Variants in TMEM127 observed in about 807,000 individuals in gnomAD.
TMEM127 encodes the protein transmembrane protein 127.
A neutral mutation model predicts 20.1 loss-of-function variants in TMEM127; 21 were observed. The observed-to-expected ratio is 1.04, with a 90% CI of 0.74 to 1.50. The LOEUF (loss-of-function observed/expected upper bound fraction) is 1.50. Ranked by LOEUF, TMEM127 falls within the 40% of genes most tolerant of loss-of-function variation. The pLI is 0.00. For synonymous variants in TMEM127, 150 were observed against 144.7 expected (o/e 1.04, Z -0.26); for missense variants, 303 against 317.4 (o/e 0.95, Z 0.34).
intron 3 of TMEM127, 24 bp from the exon 4 acceptor site, chr2:96,254,139 G>A (rs1442614589): frequency 1.2e-6 from 2 of 1,611,940 alleles, no homozygotes; most frequent in Non-Finnish European, 1.7e-6. Context: ...GGACAGCACA[G>A]AAGGGGAATT....
intron 2 of TMEM127, among the ~76,000 whole-genome samples, chr2:96,255,834 G>C (rs1684191376): frequency 6.6e-6 from 1 of 152,072 alleles, no homozygotes; most frequent in African/African-American, 2.4e-5. Flanking sequence ...AAAAAAATTA[G>C]CTGGGCATGG....
At chr2:96,263,305 C>T (rs1246611123) in intron 2 of TMEM127, among the ~76,000 whole-genome samples, 2 of 151,842 alleles carry the variant, frequency 1.3e-5, no homozygotes, top group African/African-American at 2.4e-5. Flanking sequence ...GCAATCCACC[C>T]GCCTCGGCCT....
chr2:96,265,567 G>A (rs1424036128), intron 1 of TMEM127, 55 bp from the exon 2 acceptor site: 2 of 693,054 alleles, frequency 2.9e-6, no homozygotes, highest in African/African-American at 1.9e-5. Flanking sequence ...TGACGGAGAC[G>A]GGGAGGGCTG....
In TMEM127 at chr2:96,250,250, C is replaced by T; in HGVS notation, c.*3558G>A. On this transcript the variant is annotated 3_prime_UTR_variant, in exon 4 of 4. Transcript: ENST00000258439. The stretch of plus-strand genomic sequence containing the variant: ...ACCTTTCTAACCTCGGCTCTTACCA[C>T]CTCCTGGCCACCAGTGTGCTTTTGC... The T allele has an allele frequency of 4.3e-6, 1 of 233,252 alleles. No individual in the cohort carries two copies. 14.4% of individuals were successfully genotyped at this position (233,252 alleles called of 1,614,324 possible). A position where few individuals can be genotyped will look rare whatever the true frequency, so the allele number is the denominator to read the frequency against.
At chr2:96,255,046 A>C (rs1034281845) in intron 2 of TMEM127, 49 bp from the exon 3 acceptor site, 1 of 1,610,070 alleles carries the variant, frequency 6.2e-7, no homozygotes, top group Non-Finnish European at 8.5e-7. Flanking sequence ...CACTTGGTGC[A>C]GGAAGTCCCC....
Position 96,249,060 on chromosome 2 carries a change from C to A in TMEM127, c.*4748G>T. Reference sequence around the variant, plus strand: ...AAAAAGCCAAGAATTTTCCCCAAAGCTTATGGTGAGGAACCTGTGTGTGTG... The same window carrying A: ...AAAAAGCCAAGAATTTTCCCCAAAGATTATGGTGAGGAACCTGTGTGTGTG... On this transcript the variant is annotated 3_prime_UTR_variant, in exon 4 of 4. Coordinates refer to ENST00000258439, the MANE Select transcript of TMEM127 (RefSeq NM_017849.4). The A allele has an allele frequency of 4.3e-6, 1 of 233,706 alleles. No individual in the cohort carries two copies. Among genetic ancestry groups the A allele is most frequent in the Non-Finnish European group, 8.4e-6 (1 of 118,712 alleles). The allele number at this position is 233,706 out of a possible 1,614,324, so 14.5% of individuals were successfully genotyped here. A position where few individuals can be genotyped will look rare whatever the true frequency, so the allele number is the denominator to read the frequency against.
In TMEM127 at chr2:96,248,773, CTTCAGGCCCCA is replaced by C. The variant is rs1684025951; in HGVS notation, c.*5024_*5034del. 1 of 231,520 alleles carries C rather than the reference CTTCAGGCCCCA, an allele frequency of 4.3e-6. No individual in the cohort carries two copies. Among genetic ancestry groups the C allele is most frequent in the Non-Finnish European group, 8.5e-6 (1 of 116,996 alleles). The allele number at this position is 231,520 out of a possible 1,614,324, so 14.3% of individuals were successfully genotyped here. A position where few individuals can be genotyped will look rare whatever the true frequency, so the allele number is the denominator to read the frequency against. ...ACAGGGCAGCCTGCAGGCCCTGCAC[CTTCAGGCCCCA>C]TTCTCAGACACCTGTACAACCCCTT... On this transcript the variant is annotated 3_prime_UTR_variant, in exon 4 of 4. Coordinates refer to ENST00000258439, the MANE Select transcript of TMEM127 (RefSeq NM_017849.4).
In TMEM127 at chr2:96,255,713, C is replaced by T. The variant is rs966978097; in HGVS notation, c.245-716G>A. Among the ~76,000 whole-genome samples, 6 of 152,084 alleles carry T rather than the reference C, an allele frequency of 3.9e-5. 1 individual carries two copies. The highest frequency in any genetic ancestry group is 4.1e-4 in the South Asian group (2 of 4,828). ...GTGCTTAATATCAATGAACTCAACA[C>T]TTAAAATGGTTATTAATACTTTGGG... On this transcript the variant is annotated intron_variant, in intron 2 of 3. Transcript: ENST00000258439.
At position 96,253,464 on chromosome 2, in the gene TMEM127, T is replaced by A. The variant is rs115740830; in HGVS notation, c.*344A>T. The A allele has an allele frequency of 4.2e-3, 1,479 of 351,314 alleles. 16 individuals carry two copies. Among genetic ancestry groups the A allele is most frequent in the African/African-American group, 0.028 (1,373 of 49,504 alleles). The allele number at this position is 351,314 out of a possible 1,614,324, so 21.8% of individuals were successfully genotyped here. ...GCCCTTTGACACTTGTTTTTGGGAC[T>A]GTCCGCTCTCAGCAGCTCTCCAAGG... On this transcript the variant is annotated 3_prime_UTR_variant, in exon 4 of 4. Coordinates refer to ENST00000258439, the MANE Select transcript of TMEM127 (RefSeq NM_017849.4). The surrounding 1 kb of genome is among the most constrained non-coding windows in gnomAD (Gnocchi z 4.3).
chr2:96,252,495 T>C lies in TMEM127; in HGVS notation c.*1313A>G, dbSNP rs145621392. On this transcript the variant is annotated 3_prime_UTR_variant, in exon 4 of 4. Transcript: ENST00000258439. The surrounding 1 kb of genome is among the most constrained non-coding windows in gnomAD (Gnocchi z 4.2). ...AGAGCAAACAAGGTGACCAGAGTGATGGCTGAGCAAGAAAGTCCCAGCAGC... is the reference window on the plus strand; with the variant it reads ...AGAGCAAACAAGGTGACCAGAGTGACGGCTGAGCAAGAAAGTCCCAGCAGC... The C allele has an allele frequency of 1.2e-3, 291 of 233,860 alleles. No individual in the cohort carries two copies. Among genetic ancestry groups the C allele is most frequent in the African/African-American group, 5.5e-3 (252 of 45,486 alleles). The allele number at this position is 233,860 out of a possible 1,614,324, so 14.5% of individuals were successfully genotyped here.
At chr2:96,263,048 C>CTTT (rs1402826560) in intron 2 of TMEM127, among the ~76,000 whole-genome samples, 3 of 136,690 alleles carry the variant, frequency 2.2e-5, no homozygotes, top group Admixed American at 7.4e-5. Context: ...CAAGAATTTA[C>CTTT]TTTTTTTTTT....
chr2:96,255,593 G>GT (rs1359253460), intron 2 of TMEM127, among the ~76,000 whole-genome samples: 9 of 152,208 alleles, frequency 5.9e-5, no homozygotes, highest in Non-Finnish European at 1.3e-4. Flanking sequence ...TTGCCAGCAG[G>GT]TAGGGAGAGG....
chr2:96,259,622 T>C (rs1684276314), intron 2 of TMEM127, among the ~76,000 whole-genome samples: 2 of 152,316 alleles, frequency 1.3e-5, no homozygotes, highest in Admixed American at 1.3e-4. Flanking sequence ...TCCTGCAGCA[T>C]TGCAACCATC....
intron 2 of TMEM127, among the ~76,000 whole-genome samples, chr2:96,260,106 G>C (rs180732590): frequency 1.3e-5 from 2 of 152,372 alleles, no homozygotes; most frequent in African/African-American, 4.8e-5. Flanking sequence ...CTCAGGGTTA[G>C]TGAGAAAACC....
chr2:96,251,661 T>C lies in TMEM127; in HGVS notation c.*2147A>G, dbSNP rs1388961248. ...TGTCATTTCCATTCTTATTCGTGGT[T>C]TCTGGTTTTTTTGGTTTTGTTTTCC... On this transcript the variant is annotated 3_prime_UTR_variant, in exon 4 of 4. Coordinates refer to ENST00000258439, the MANE Select transcript of TMEM127 (RefSeq NM_017849.4). The C allele has an allele frequency of 4.3e-6, 1 of 232,902 alleles. No homozygotes were observed. Among genetic ancestry groups the C allele is most frequent in the African/African-American group, 2.2e-5 (1 of 45,282 alleles). 14.4% of individuals were successfully genotyped at this position (232,902 alleles called of 1,614,324 possible). A position where few individuals can be genotyped will look rare whatever the true frequency, so the allele number is the denominator to read the frequency against.
At chr2:96,255,084 C>T in intron 2 of TMEM127, 87 bp from the exon 3 acceptor site, 4 of 1,558,260 alleles carry the variant, frequency 2.6e-6, no homozygotes, top group South Asian at 1.1e-5. Context: ...TTCCCCTCCA[C>T]CACAGTCCTG....
intron 2 of TMEM127, among the ~76,000 whole-genome samples, chr2:96,261,207 GC>G (rs1157159799): frequency 1.3e-5 from 2 of 152,152 alleles, no homozygotes; most frequent in Non-Finnish European, 2.9e-5. Context: ...TCCACCCAGG[GC>G]CAGGTTGAGA....
chr2:96,257,191 G>T (rs947295528), intron 2 of TMEM127, among the ~76,000 whole-genome samples: 1 of 152,246 alleles, frequency 6.6e-6, no homozygotes, highest in African/African-American at 2.4e-5. Flanking sequence ...ACCAGGCACA[G>T]TGGCTCACGC....
In TMEM127 at chr2:96,251,704, GA is replaced by G. The variant is rs3832113; in HGVS notation, c.*2103del. The G allele has an allele frequency of 4.1e-4, 93 of 225,796 alleles. No individual in the cohort carries two copies. Among genetic ancestry groups the G allele is most frequent in the East Asian group, 3.2e-3 (51 of 15,930 alleles). 14.0% of individuals were successfully genotyped at this position (225,796 alleles called of 1,614,324 possible). Reference sequence around the variant, plus strand: ...TGTTTTCCCTTTTAATTTTTTTCTAGAAAAAAAAACACAACCCGGGGAATTT... The same window carrying G: ...TGTTTTCCCTTTTAATTTTTTTCTAGAAAAAAAACACAACCCGGGGAATTT... On this transcript the variant is annotated 3_prime_UTR_variant, in exon 4 of 4. Transcript: ENST00000258439.
Sources: gnomAD v4.1 joint callset for allele counts (sites outside exome capture counted in the v4.1 genomes callset) on GRCh38, gnomAD v4.1.1 for gene constraint, Gnocchi (gnomAD v3.1) non-coding constraint, MANE v1.5 for transcripts, NCBI Gene and HGNC (gene_info 2026-07-23, HGNC 2026-07-21) for gene names.